AIRE: variants seen among roughly 807,000 people sequenced by gnomAD.
AIRE encodes the protein autoimmune regulator, also known as autoimmune polyendocrinopathy candidiasis ectodermal dystrophy protein.
In AIRE, 52 loss-of-function variants were observed where a neutral mutation model predicts 62.1. The observed-to-expected ratio is 0.84, with a 90% confidence interval of 0.67 to 1.06. The LOEUF is 1.06. Ranked by LOEUF, AIRE falls within the 50% of genes least tolerant of loss-of-function variation. The pLI is 0.00. For synonymous variants in AIRE, 342 were observed against 321.6 expected, an observed-to-expected ratio of 1.06 and a Z score of -0.68; for missense variants, 774 against 755.8, an observed-to-expected ratio of 1.02 and a Z score of -0.28.
At chr21:44,294,846 C>G (rs1332842516) in intron 12 of AIRE, among the ~76,000 whole-genome samples, 2 of 152,010 alleles carry the variant, frequency 1.3e-5, no homozygotes, top group Admixed American at 1.3e-4. Flanking sequence ...AGGAGCAAAC[C>G]CCCACCCTGT....
intron 8 of AIRE, among the ~76,000 whole-genome samples, 182 bp from the exon 9 acceptor site, chr21:44,292,120 G>A (rs963956997): frequency 6.6e-6 from 1 of 152,078 alleles, no homozygotes; most frequent in African/African-American, 2.4e-5. Context: ...GCCACCCCAC[G>A]AAGGGTAAAT....
At chr21:44,291,265 C>T (rs1316150542) in intron 8 of AIRE, 55 bp downstream of exon 8, 4 of 1,585,322 alleles carry the variant, frequency 2.5e-6, no homozygotes, top group Non-Finnish European at 3.4e-6. Context: ...CGGCCGCCTC[C>T]ACCCACTGAC....
In AIRE at chr21:44,288,337, T is replaced by C. The variant is rs1352342714; in HGVS notation, c.539-8T>C. 6.3e-7 allele frequency: 1 copy of C among 1,592,436 alleles called. No individual in the cohort carries two copies. The highest frequency in any genetic ancestry group is 8.6e-7 in the Non-Finnish European group (1 of 1,161,400). The stretch of plus-strand genomic sequence containing the variant: ...ACGGGTGACCCCAATGGGTGTTCCC[T>C]TTCCCAGGGATTCAGACCATGTCAG... On this transcript the variant is annotated splice_polypyrimidine_tract_variant and splice_region_variant and intron_variant, in intron 4 of 13. Transcript: ENST00000291582.
rs1029246729 is a variant in AIRE at position 44,290,245 on chromosome 21, G to T, written c.879+177G>T. ...TATTTTTTTCCTGATAATACGCAAT[G>T]GTAATAGTTTAAATGAGTCAGAGAA... On this transcript the variant is annotated intron_variant, in intron 7 of 13. Transcript: ENST00000291582. 7.1e-6 allele frequency: 7 copies of T among 985,004 alleles called. No individual in the cohort carries two copies. In the African/African-American group the frequency reaches 1.2e-4, roughly 17 times the overall value. The allele number at this position is 985,004 out of a possible 1,614,324, so 61.0% of individuals were successfully genotyped here. A position where few individuals can be genotyped will look rare whatever the true frequency, so the allele number is the denominator to read the frequency against.
At chr21:44,295,628 C>T (rs772018559) in intron 12 of AIRE, among the ~76,000 whole-genome samples, 13 of 152,188 alleles carry the variant, frequency 8.5e-5, no homozygotes, top group Non-Finnish European at 1.6e-4. Context: ...TTCTTGTCAT[C>T]GTGATGTGAA....
intron 10 of AIRE, 76 bp downstream of exon 10, chr21:44,293,251 CAGG>C: frequency 7.1e-7 from 1 of 1,409,384 alleles, no homozygotes; most frequent in Non-Finnish European, 9.4e-7. Context: ...TCACCTGAAA[CAGG>C]AGGAGAGGGA....
chr21:44,293,830 T>C lies in AIRE; in HGVS notation c.1320T>C (p.Gly440=), dbSNP rs1365717395. ...PGARCGVCGD[G]TDVLRCTHCA... ...CGCGTTGCGGGGTGTGCGGAGATGG[T>C]ACGGACGTGCTGCGGTGTACTCACT... Residue 440 remains glycine, a synonymous_variant, in exon 11 of 14, where the codon GGT becomes GGC. Transcript: ENST00000291582. 6.3e-7 allele frequency: 1 copy of C among 1,596,898 alleles called. No homozygotes were observed. Among genetic ancestry groups the C allele is most frequent in the East Asian group, 2.2e-5 (1 of 44,856 alleles).
intron 5 of AIRE, chr21:44,288,669 T>G: frequency 1.8e-6 from 1 of 564,782 alleles, no homozygotes; most frequent in East Asian, 2.9e-5. Context: ...AGGCCAGCGG[T>G]CCAGGCCCAC....
At position 44,287,240 on chromosome 21, in the gene AIRE, C is replaced by A; in HGVS notation, c.463+107C>A. The A allele has an allele frequency of 7.2e-7, 1 of 1,398,544 alleles. No individual in the cohort carries two copies. Among genetic ancestry groups the A allele is most frequent in the Non-Finnish European group, 9.8e-7 (1 of 1,015,774 alleles). The allele number at this position is 1,398,544 out of a possible 1,614,324, so 86.6% of individuals were successfully genotyped here. ...GGCTCCCACCCACTGGGTGTGGGGCCAGCCTGCCTGGGGCTGTGGGGGTCT... is the reference window on the plus strand; with the variant it reads ...GGCTCCCACCCACTGGGTGTGGGGCAAGCCTGCCTGGGGCTGTGGGGGTCT... On this transcript the variant is annotated intron_variant, in intron 3 of 13. Transcript: ENST00000291582. The surrounding 1 kb of genome is among the most constrained non-coding windows in gnomAD (Gnocchi z 4.3).
rs2040501965 is a variant in AIRE at position 44,288,250 on chromosome 21, G to A, written c.539-95G>A. 8 of 1,052,072 alleles carry A rather than the reference G, an allele frequency of 7.6e-6. No individual in the cohort carries two copies. The Admixed American group carries it at 1.4e-4, about 18-fold the overall frequency. The allele number at this position is 1,052,072 out of a possible 1,614,324, so 65.2% of individuals were successfully genotyped here. ...GGCCTGCCCTGGCTGGAAGGAAAGG[G>A]CTCTGCAGCCCAGTGCTGCCTGCTT... On this transcript the variant is annotated intron_variant, in intron 4 of 13. Transcript: ENST00000291582.
In AIRE at chr21:44,287,723, A is replaced by G. The variant is rs2146377124; in HGVS notation, c.538+132A>G. 2 of 993,174 alleles carry G rather than the reference A, an allele frequency of 2.0e-6. No individual in the cohort carries two copies. Among genetic ancestry groups the G allele is most frequent in the Non-Finnish European group, 1.5e-6 (1 of 652,866 alleles). The allele number at this position is 993,174 out of a possible 1,614,324, so 61.5% of individuals were successfully genotyped here. A position where few individuals can be genotyped will look rare whatever the true frequency, so the allele number is the denominator to read the frequency against. On this transcript the variant is annotated intron_variant, in intron 4 of 13. Transcript: ENST00000291582. This position sits in a 1 kb window ranked among gnomAD's most constrained non-coding sequence, Gnocchi z 4.3. ...CGTGCTGGCCTGGTGTGTCATTCCA[A>G]GGGCCTAAGCTGCACCACCAGACCC...
rs750688330 is a variant in AIRE at position 44,292,401 on chromosome 21, G to A, written c.1095G>A (p.Pro365=). The part of the protein sequence containing the change: ...PRPQEPPVET[P]LPPGLRSAGE... ...CCCAGGAGCCACCCGTGGAGACCCC[G>A]GTATGGCCACGCCCCCTCCTAGCCG... The change falls in exon 9 of 14, where the codon CCG becomes CCA. Residue 365 remains proline, a splice_region_variant and synonymous_variant. Coordinates refer to ENST00000291582, the MANE Select transcript of AIRE (RefSeq NM_000383.4). 36 of 1,549,216 alleles carry A rather than the reference G, an allele frequency of 2.3e-5. No homozygotes were observed. Among genetic ancestry groups the A allele is most frequent in the East Asian group, 4.9e-5 (2 of 41,236 alleles).
At chr21:44,289,292 C>T (rs2040512051) in intron 5 of AIRE, 1 of 311,944 alleles carries the variant, frequency 3.2e-6, no homozygotes, top group Non-Finnish European at 6.0e-6. Context: ...ACCGCTCCAG[C>T]CTCTGCTTCT....
rs2040491919 is a variant in AIRE at position 44,287,249 on chromosome 21, T to G, written c.463+116T>G. 2 of 1,270,434 alleles carry G rather than the reference T, an allele frequency of 1.6e-6. No homozygotes were observed. Among genetic ancestry groups the G allele is most frequent in the South Asian group, 2.6e-5 (2 of 77,496 alleles). 78.7% of individuals were successfully genotyped at this position (1,270,434 alleles called of 1,614,324 possible). On this transcript the variant is annotated intron_variant, in intron 3 of 13. Coordinates refer to ENST00000291582, the MANE Select transcript of AIRE (RefSeq NM_000383.4). The surrounding 1 kb of genome is among the most constrained non-coding windows in gnomAD (Gnocchi z 4.3). ...CCACTGGGTGTGGGGCCAGCCTGCC[T>G]GGGGCTGTGGGGGTCTCCTCTGGGT... is the stretch of plus-strand genomic sequence containing the variant.
At chr21:44,292,269 C>T in intron 8 of AIRE, 33 bp from the exon 9 acceptor site, 1 of 1,527,640 alleles carries the variant, frequency 6.5e-7, no homozygotes, top group Non-Finnish European at 8.9e-7. Flanking sequence ...CTGTCTTGTT[C>T]TGCATGTCTC....
Position 44,293,859 on chromosome 21 carries a change from C to T in AIRE, c.1349C>T (p.Ala450Val), listed in dbSNP as rs991692150. Residue 450 changes from alanine to valine, a missense_variant, in exon 11 of 14, where the codon GCC becomes GTC. Around this residue, in one of 3 missense-constraint regions of AIRE, gnomAD observed 354 missense variants for 296.1 expected, o/e 1.20. Transcript: ENST00000291582. The part of the protein sequence containing the change: ...GTDVLRCTHC[A>V]AAFHWRCHFP... Reference sequence around the variant, plus strand: ...GACGTGCTGCGGTGTACTCACTGCGCCGCTGCCTTCCACTGGCGCTGCCAC... The same window carrying T: ...GACGTGCTGCGGTGTACTCACTGCGTCGCTGCCTTCCACTGGCGCTGCCAC... 2 of 1,596,822 alleles carry T rather than the reference C, an allele frequency of 1.3e-6. No homozygotes were observed. The highest frequency in any genetic ancestry group is 1.3e-5 in the African/African-American group (1 of 74,912).
chr21:44,292,981 C>G lies in AIRE; in HGVS notation c.1096-12C>G. On this transcript the variant is annotated splice_polypyrimidine_tract_variant and intron_variant, in intron 9 of 13. Coordinates refer to ENST00000291582, the MANE Select transcript of AIRE (RefSeq NM_000383.4). ...GCCCGCTGCCCCTCTGATGCTGACC[C>G]TTGGGTTCCAGCTCCCCCCGGGGCT... The G allele has an allele frequency of 6.2e-7, 1 of 1,611,910 alleles. No individual in the cohort carries two copies. Among genetic ancestry groups the G allele is most frequent in the South Asian group, 1.1e-5 (1 of 91,044 alleles).
Position 44,286,536 on chromosome 21 carries a change from C to T in AIRE, c.133-21C>T, listed in dbSNP as rs373609364. On this transcript the variant is annotated intron_variant, in intron 1 of 13. Coordinates refer to ENST00000291582, the MANE Select transcript of AIRE (RefSeq NM_000383.4). The surrounding 1 kb of genome is among the most constrained non-coding windows in gnomAD (Gnocchi z 6.0). ...GGGTGTGGGGGACCATGGCAGGGAC[C>T]CTCATGCCACCCCACTGCAGGAGAC... The T allele has an allele frequency of 4.1e-5, 66 of 1,601,234 alleles. 3 individuals are homozygous for T. The African/African-American group carries it at 5.4e-4, about 13-fold the overall frequency.
chr21:44,297,629 G>T lies in AIRE; in HGVS notation c.1567-27G>T. On this transcript the variant is annotated intron_variant, in intron 13 of 13. Coordinates refer to ENST00000291582, the MANE Select transcript of AIRE (RefSeq NM_000383.4). The surrounding 1 kb of genome is among the most constrained non-coding windows in gnomAD (Gnocchi z 4.8). ...TGGCTGCGGCGGGGGCGCACCTGGA[G>T]GTTCTCACCGTCACTCTGTCCCGCA... is the stretch of plus-strand genomic sequence containing the variant. 1 of 1,593,932 alleles carries T rather than the reference G, an allele frequency of 6.3e-7. No homozygotes were observed. The highest frequency in any genetic ancestry group is 8.6e-7 in the Non-Finnish European group (1 of 1,164,664).
Sources: gnomAD v4.1 joint callset for allele counts (sites outside exome capture counted in the v4.1 genomes callset) on GRCh38, gnomAD v4.1.1 for gene constraint, gnomAD v4.1.1 regional missense constraint, Gnocchi (gnomAD v3.1) non-coding constraint, MANE v1.5 for transcripts, NCBI Gene and HGNC (gene_info 2026-07-23, HGNC 2026-07-21) for gene names.